MGAT5: variants seen among roughly 807,000 people sequenced by gnomAD.
The protein encoded by MGAT5 is alpha-1,6-mannosylglycoprotein 6-beta-N-acetylglucosaminyltransferase, also known as alpha-1,6-mannosylglycoprotein 6-beta-N-acetylglucosaminyltransferase A.
A neutral mutation model predicts 94.3 loss-of-function variants in MGAT5; 30 were observed. The ratio of observed to expected loss-of-function variants is 0.32; its 90% confidence interval spans 0.24 to 0.43. The LOEUF is 0.43. Ranked by LOEUF, MGAT5 falls within the 20% of genes least tolerant of loss-of-function variation. The probability of loss-of-function intolerance (pLI) is 1.00; values close to 1 mark genes in which losing one functional copy is unlikely to be tolerated. For missense variants in MGAT5, 691 were observed against 905.5 expected, an observed-to-expected ratio of 0.76 and a Z score of 3.04; for synonymous variants, 310 against 322.9, an observed-to-expected ratio of 0.96 and a Z score of 0.43.
chr2:134,361,918 C>T (rs567588308), intron 9 of MGAT5, among the ~76,000 whole-genome samples: 1 of 152,234 alleles, frequency 6.6e-6, no homozygotes, highest in African/African-American at 2.4e-5. Flanking sequence ...GATTTCTGGC[C>T]AGTAGGTGGT....
intron 15 of MGAT5, among the ~76,000 whole-genome samples, chr2:134,448,440 C>G (rs1685917807): frequency 6.6e-6 from 1 of 152,220 alleles, no homozygotes; most frequent in African/African-American, 2.4e-5. Context: ...CCCCTGCACA[C>G]ACTCCCTGGT....
At chr2:134,165,827 G>C (rs544731746) in intron 1 of MGAT5, among the ~76,000 whole-genome samples, 4 of 152,152 alleles carry the variant, frequency 2.6e-5, no homozygotes, top group Non-Finnish European at 4.4e-5. Context: ...ATGTTCTAGG[G>C]AAGCAGTGTG....
upstream of MGAT5, among the ~76,000 whole-genome samples, chr2:134,252,847 C>T (rs1281897706): frequency 2.0e-5 from 3 of 152,076 alleles, no homozygotes; most frequent in Admixed American, 2.0e-4. Flanking sequence ...GAAGGTGGGG[C>T]ATGGTTTAAT....
chr2:134,266,284 A>C (rs1683711412), intron 1 of MGAT5, among the ~76,000 whole-genome samples: 1 of 152,014 alleles, frequency 6.6e-6, no homozygotes, highest in Non-Finnish European at 1.5e-5. Context: ...GCAGCGGTGC[A>C]ATCTTGGCTC....
chr2:134,289,940 C>T (rs941489415), intron 2 of MGAT5, among the ~76,000 whole-genome samples: 1 of 152,146 alleles, frequency 6.6e-6, no homozygotes, highest in Non-Finnish European at 1.5e-5. Context: ...TATCTTTTTG[C>T]TATAATAAAT....
intron 11 of MGAT5, among the ~76,000 whole-genome samples, chr2:134,411,912 TG>T (rs1390610819): frequency 1.3e-5 from 2 of 152,166 alleles, no homozygotes; most frequent in African/African-American, 2.4e-5. Flanking sequence ...AATGTGCCCC[TG>T]GGGGCTGAAA....
At chr2:134,139,915 G>T (rs1012397874) in intron 1 of MGAT5, among the ~76,000 whole-genome samples, 5 of 152,198 alleles carry the variant, frequency 3.3e-5, no homozygotes, top group Non-Finnish European at 7.3e-5. Context: ...TTTTAGTTGA[G>T]AGTTGTTATG....
intron 2 of MGAT5, among the ~76,000 whole-genome samples, chr2:134,308,706 A>G (rs990993596): frequency 2.0e-5 from 3 of 152,200 alleles, no homozygotes; most frequent in Admixed American, 1.3e-4. Context: ...GATAATTTAC[A>G]TACCACACAT....
chr2:134,422,449 T>C (rs1170788189), intron 12 of MGAT5, among the ~76,000 whole-genome samples: 2 of 152,208 alleles, frequency 1.3e-5, no homozygotes, highest in African/African-American at 4.8e-5. Flanking sequence ...CTTTCTGTCT[T>C]AGCCAGGAGA....
Position 134,155,477 on chromosome 2 carries a change from G to A in MGAT5, c.-143+35186G>A, listed in dbSNP as rs574516516. Among the ~76,000 whole-genome samples the A allele has an allele frequency of 2.0e-5, 3 of 152,346 alleles. No homozygotes were observed. The East Asian group carries it at 5.8e-4, about 29-fold the overall frequency. On this transcript the variant is annotated intron_variant, in intron 1 of 16. Coordinates refer to the MGAT5 transcript ENST00000409645. ...ATTGAATTGTGTCCTCATCTGTAAAGTGGCATGCTGATAGGAGTGGAATCT... is the reference window on the plus strand; with the variant it reads ...ATTGAATTGTGTCCTCATCTGTAAAATGGCATGCTGATAGGAGTGGAATCT...
At chr2:134,341,853 C>A in intron 7 of MGAT5, 94 bp downstream of exon 7, 4 of 1,111,330 alleles carry the variant, frequency 3.6e-6, no homozygotes, top group Non-Finnish European at 4.9e-6. Context: ...AATTTTTTGT[C>A]GAGGAAAATG....
Position 134,292,466 on chromosome 2 carries a change from G to A in MGAT5, c.406+21916G>A, listed in dbSNP as rs117778724. Among the ~76,000 whole-genome samples, 178 of 152,308 alleles carry A rather than the reference G, an allele frequency of 1.2e-3. 1 individual carries two copies. Among genetic ancestry groups the A allele is most frequent in the Admixed American group, 8.3e-3 (127 of 15,300 alleles). On this transcript the variant is annotated intron_variant, in intron 2 of 15. Transcript: ENST00000281923. ...TCCGACAGGGTGCATTGGGTAAAAG[G>A]AGAACTGCTTTCTGTTGCCGGGTCT...
intron 15 of MGAT5, among the ~76,000 whole-genome samples, chr2:134,446,294 G>A (rs757783459): frequency 1.2e-4 from 18 of 152,110 alleles, no homozygotes; most frequent in African/African-American, 3.6e-4. Context: ...CCCAGGGAGC[G>A]AGCAGGAGGG....
intron 1 of MGAT5, among the ~76,000 whole-genome samples, chr2:134,242,955 A>G (rs773759424): frequency 6.6e-6 from 1 of 151,820 alleles, no homozygotes; most frequent in Non-Finnish European, 1.5e-5. Flanking sequence ...GCCTAAGACC[A>G]GTTTGTGATT....
At chr2:134,334,067 G>T (rs1430739553) in intron 4 of MGAT5, among the ~76,000 whole-genome samples, 1 of 152,104 alleles carries the variant, frequency 6.6e-6, no homozygotes, top group Non-Finnish European at 1.5e-5. Context: ...ATGTATAACA[G>T]CAAAATTTCT....
chr2:134,325,899 GC>G (rs1289955571), intron 4 of MGAT5, among the ~76,000 whole-genome samples: 1 of 151,894 alleles, frequency 6.6e-6, no homozygotes, highest in Admixed American at 6.6e-5. Flanking sequence ...CTGGCTCTTT[GC>G]CCCCTTGTAT....
At chr2:134,408,706 T>C (rs1683478957) in intron 11 of MGAT5, among the ~76,000 whole-genome samples, 2 of 152,210 alleles carry the variant, frequency 1.3e-5, no homozygotes, top group African/African-American at 4.8e-5. Flanking sequence ...TATCCCTTCC[T>C]TAAGCATCAG....
chr2:134,202,582 G>A (rs912135992), intron 1 of MGAT5, among the ~76,000 whole-genome samples: 1 of 152,236 alleles, frequency 6.6e-6, no homozygotes, highest in Non-Finnish European at 1.5e-5. Context: ...ATTCAGAAGT[G>A]TTGCCCCAGG....
At chr2:134,162,636 A>G (rs1266770511) in intron 1 of MGAT5, among the ~76,000 whole-genome samples, 1 of 152,172 alleles carries the variant, frequency 6.6e-6, no homozygotes, top group Non-Finnish European at 1.5e-5. Flanking sequence ...TGGGATTTCA[A>G]CCCAGGTTCG....
Sources: gnomAD v4.1 joint callset for allele counts (sites outside exome capture counted in the v4.1 genomes callset) on GRCh38, gnomAD v4.1.1 for gene constraint, MANE v1.5 for transcripts, NCBI Gene and HGNC (gene_info 2026-07-23, HGNC 2026-07-21) for gene names.